MAP3K7: variants seen among roughly 807,000 people sequenced by gnomAD.
MAP3K7 encodes the protein mitogen-activated protein kinase kinase kinase 7.
In MAP3K7, 21 loss-of-function variants were observed where a neutral mutation model predicts 84.8. The ratio of observed to expected loss-of-function variants is 0.25; its 90% CI spans 0.18 to 0.36. The LOEUF (loss-of-function observed/expected upper bound fraction) is 0.36, where lower values mean the gene tolerates loss of function less well. MAP3K7 is among the 10% of genes least tolerant of loss of function. The probability of loss-of-function intolerance (pLI) is 1.00; values close to 1 mark genes in which losing one functional copy is unlikely to be tolerated. For missense variants in MAP3K7, 503 were observed against 747.7 expected, an observed-to-expected ratio of 0.67 and a Z score of 3.82; for synonymous variants, 241 against 247.7, an observed-to-expected ratio of 0.97 and a Z score of 0.25.
intron 3 of MAP3K7, among the ~76,000 whole-genome samples, chr6:90,564,916 C>G (rs1468813278): frequency 3.3e-5 from 5 of 152,198 alleles, no homozygotes; most frequent in Admixed American, 3.3e-4. Context: ...TTAAGAAACT[C>G]ACTCAAAACC....
chr6:90,518,858 T>C (rs530316292), intron 15 of MAP3K7, among the ~76,000 whole-genome samples: 5 of 151,940 alleles, frequency 3.3e-5, no homozygotes, highest in Non-Finnish European at 7.4e-5. Flanking sequence ...ATGATGTTTA[T>C]AGCCCTCATA....
At chr6:90,525,017 T>C (rs1039080888) in intron 13 of MAP3K7, among the ~76,000 whole-genome samples, 2 of 148,578 alleles carry the variant, frequency 1.3e-5, no homozygotes, top group East Asian at 3.9e-4. Flanking sequence ...AACTCAAAAC[T>C]TGAAAGAAAA....
chr6:90,557,311 G>T (rs1776368047), intron 5 of MAP3K7, among the ~76,000 whole-genome samples: 1 of 152,110 alleles, frequency 6.6e-6, no homozygotes, highest in Non-Finnish European at 1.5e-5. Context: ...AAGAGAAATA[G>T]AAATGGGTAA....
At chr6:90,529,955 C>A (rs1468408754) in intron 13 of MAP3K7, among the ~76,000 whole-genome samples, 1 of 152,156 alleles carries the variant, frequency 6.6e-6, no homozygotes, top group East Asian at 1.9e-4. Flanking sequence ...AGCTTATTTA[C>A]CTTTAGTATA....
intron 12 of MAP3K7, among the ~76,000 whole-genome samples, chr6:90,538,986 T>C (rs1000187304): frequency 6.6e-6 from 1 of 151,972 alleles, no homozygotes; most frequent in Admixed American, 6.6e-5. Flanking sequence ...AATTTTGAGA[T>C]TCACGAGTTT....
At chr6:90,544,784 A>G (rs753905671) in intron 11 of MAP3K7, 152 bp from the exon 12 acceptor site, 9 of 628,498 alleles carry the variant, frequency 1.4e-5, no homozygotes, top group Non-Finnish European at 2.3e-5. Context: ...CTTTTCATCC[A>G]TGCTCAGAAA....
chr6:90,579,272 T>G (rs1039838186), intron 1 of MAP3K7, among the ~76,000 whole-genome samples: 1 of 152,170 alleles, frequency 6.6e-6, no homozygotes, highest in African/African-American at 2.4e-5. Flanking sequence ...AAGAGTGAAG[T>G]TGGGTTAATA....
chr6:90,566,071 A>C (rs1458610870), intron 3 of MAP3K7, among the ~76,000 whole-genome samples: 1 of 152,208 alleles, frequency 6.6e-6, no homozygotes, highest in African/African-American at 2.4e-5. Context: ...TCTCAAAATA[A>C]TAAGAGCTAT....
At chr6:90,536,186 T>C (rs1393300713) in intron 13 of MAP3K7, 151 bp downstream of exon 13, 5 of 546,884 alleles carry the variant, frequency 9.1e-6, no homozygotes, top group East Asian at 2.9e-5. Flanking sequence ...TATGTTTTTT[T>C]CCCCCCTAAG....
At chr6:90,544,755 G>A in intron 11 of MAP3K7, 123 bp from the exon 12 acceptor site, 1 of 784,166 alleles carries the variant, frequency 1.3e-6, no homozygotes, top group South Asian at 1.6e-5. Flanking sequence ...CATGCAGAAT[G>A]GCATGCAGAA....
rs536078041 is a variant in MAP3K7, at chr6:90,564,383, G to C, written c.298-2716C>G. Among the ~76,000 whole-genome samples, 10 of 152,052 alleles carry C rather than the reference G, an allele frequency of 6.6e-5. No homozygotes were observed. In the East Asian group the frequency reaches 1.9e-3, roughly 29 times the overall value. On this transcript the variant is annotated intron_variant, in intron 3 of 16. Transcript: ENST00000369329. ...AAAGGGATGGAGGAAGATCTACCAA[G>C]CAAATGGAAAACAAAAAAAAGGCAG...
rs1375968230 is a variant in MAP3K7, at chr6:90,553,555, G to A, written c.639C>T (p.Phe213=). The A allele has an allele frequency of 6.2e-7, 1 of 1,612,822 alleles. No homozygotes were observed. The highest frequency in any genetic ancestry group is 1.3e-5 in the African/African-American group (1 of 74,792). ...CTTCCCAAAGAATAATACCCCAGCT[G>A]AAGACGTCACATTTTTCACTGTAAT... ...GSNYSEKCDV[F]SWGIILWEVI... Residue 213 remains phenylalanine (F), a synonymous_variant, in exon 7 of 17, where the codon TTC becomes TTT. Transcript: ENST00000369329.
intron 3 of MAP3K7, among the ~76,000 whole-genome samples, chr6:90,565,831 C>T (rs560674625): frequency 2.0e-5 from 3 of 152,230 alleles, no homozygotes; most frequent in East Asian, 3.9e-4. Context: ...ACTGGCAAAC[C>T]GAATCCAGCA....
At chr6:90,538,872 C>T (rs1383307646) in intron 12 of MAP3K7, among the ~76,000 whole-genome samples, 2 of 151,884 alleles carry the variant, frequency 1.3e-5, no homozygotes, top group African/African-American at 4.8e-5. Flanking sequence ...TTTTCCTTGA[C>T]TTACACTACT....
intron 1 of MAP3K7, among the ~76,000 whole-genome samples, chr6:90,575,523 C>T (rs560245212): frequency 1.3e-5 from 2 of 152,212 alleles, no homozygotes; most frequent in East Asian, 3.9e-4. Flanking sequence ...ACCCGGGTTC[C>T]CTCAGCCCCA....
At chr6:90,557,277 T>C (rs980084289) in intron 5 of MAP3K7, among the ~76,000 whole-genome samples, 2 of 152,204 alleles carry the variant, frequency 1.3e-5, no homozygotes, top group Non-Finnish European at 2.9e-5. Flanking sequence ...TACTCTTACT[T>C]ACAAGGTTTT....
chr6:90,549,952 G>A (rs754395774), intron 9 of MAP3K7, among the ~76,000 whole-genome samples: 1 of 152,100 alleles, frequency 6.6e-6, no homozygotes, highest in Non-Finnish European at 1.5e-5. Flanking sequence ...ATTTTGAGAA[G>A]TACAATATTT....
chr6:90,556,740 C>T (rs1365803019), intron 5 of MAP3K7, 116 bp from the exon 6 acceptor site: 1 of 1,030,628 alleles, frequency 9.7e-7, no homozygotes, highest in Non-Finnish European at 1.4e-6. Flanking sequence ...TGTTATCATT[C>T]AACTTCTGTG....
intron 1 of MAP3K7, among the ~76,000 whole-genome samples, chr6:90,573,707 G>A (rs185742648): frequency 4.7e-4 from 71 of 152,338 alleles, no homozygotes; most frequent in Admixed American, 1.2e-3. Context: ...AAAATATTCA[G>A]AGAAGCCAGA....
Sources: allele counts gnomAD v4.1 joint callset (sites outside exome capture counted in the v4.1 genomes callset), GRCh38; gene constraint gnomAD v4.1.1; transcripts MANE v1.5; gene names NCBI Gene and HGNC (gene_info 2026-07-23, HGNC 2026-07-21).